The following CLNS1A variants were observed in gnomAD, a reference collection of about 807,000 sequenced individuals.
CLNS1A encodes chloride nucleotide-sensitive channel 1A.
CLNS1A carries 16 observed loss-of-function variants against 29.4 expected under a neutral mutation model. The ratio of observed to expected loss-of-function variants is 0.54; its 90% CI spans 0.37 to 0.83. The LOEUF (loss-of-function observed/expected upper bound fraction) is 0.83. CLNS1A is among the 40% of genes least tolerant of loss of function. The pLI is 0.00. For synonymous variants in CLNS1A, 96 were observed against 104.8 expected (o/e 0.92, Z 0.51); for missense variants, 235 against 287.4 (o/e 0.82, Z 1.32).
intron 2 of CLNS1A, 133 bp from the exon 3 acceptor site, chr11:77,625,951 A>C: frequency 1.2e-6 from 1 of 858,712 alleles, no homozygotes; most frequent in Non-Finnish European, 1.8e-6. Flanking sequence ...TATGGTTGAA[A>C]AATTCTGATT....
intron 3 of CLNS1A, chr11:77,625,346 G>A (rs1959005763): frequency 4.2e-6 from 2 of 481,136 alleles, no homozygotes; most frequent in Non-Finnish European, 7.3e-6. Flanking sequence ...GAAGGGTGAA[G>A]ACTGCTCTCA....
At chr11:77,634,576 T>A (rs1203222309) in intron 1 of CLNS1A, among the ~76,000 whole-genome samples, 1 of 151,916 alleles carries the variant, frequency 6.6e-6, no homozygotes, top group East Asian at 1.9e-4. Flanking sequence ...ATACAAAAAT[T>A]AGCTGGGCGT....
Position 77,622,343 on chromosome 11 carries a change from T to C in CLNS1A, c.646+157A>G, listed in dbSNP as rs1958967014. The C allele has an allele frequency of 7.8e-6, 5 of 638,386 alleles. No homozygotes were observed. In the East Asian group the frequency reaches 1.4e-4, roughly 18 times the overall value. 39.5% of individuals were successfully genotyped at this position (638,386 alleles called of 1,614,324 possible). On this transcript the variant is annotated intron_variant, in intron 5 of 6. Transcript: ENST00000525428. ...AGGAAAAAAAATCACTAAAAACAAATGACATAAGCATTCCTATACTATGTA... is the reference window on the plus strand; with the variant it reads ...AGGAAAAAAAATCACTAAAAACAAACGACATAAGCATTCCTATACTATGTA...
At chr11:77,627,531 A>T (rs1428121259) in intron 2 of CLNS1A, among the ~76,000 whole-genome samples, 1 of 152,192 alleles carries the variant, frequency 6.6e-6, no homozygotes, top group East Asian at 1.9e-4. Context: ...GAAATCCTGC[A>T]TATCTTACTA....
At chr11:77,619,356 C>T (rs1264429428) in intron 6 of CLNS1A, 1 of 393,780 alleles carries the variant, frequency 2.5e-6, no homozygotes, top group Non-Finnish European at 4.7e-6. Flanking sequence ...ACATGTGAGA[C>T]CTTGTCTCTA....
At chr11:77,622,429 C>T (rs1033089532) in intron 5 of CLNS1A, 71 bp downstream of exon 5, 2 of 1,150,280 alleles carry the variant, frequency 1.7e-6, no homozygotes, top group Admixed American at 2.5e-5. Context: ...ATTAAAAGAA[C>T]TTCTATTGAC....
At chr11:77,626,004 C>T (rs1959014532) in intron 2 of CLNS1A, among the ~76,000 whole-genome samples, 186 bp from the exon 3 acceptor site, 1 of 152,140 alleles carries the variant, frequency 6.6e-6, no homozygotes, top group Non-Finnish European at 1.5e-5. Flanking sequence ...GATCTCCTGA[C>T]CTCGAGATCC....
At chr11:77,637,102 C>G (rs1360648842) in intron 1 of CLNS1A, among the ~76,000 whole-genome samples, 1 of 151,612 alleles carries the variant, frequency 6.6e-6, no homozygotes, top group Non-Finnish European at 1.5e-5. Flanking sequence ...CCTCCACAGT[C>G]GGCTCTGAAA....
intron 2 of CLNS1A, 143 bp downstream of exon 2, chr11:77,629,620 T>G (rs1235138991): frequency 6.1e-6 from 4 of 656,532 alleles, no homozygotes; most frequent in Non-Finnish European, 1.0e-5. Context: ...GGTCTCGATC[T>G]CCTGACCTTG....
rs779464286 is a variant in CLNS1A at position 77,624,981 on chromosome 11, ATTC to A, written c.451_453del (p.Glu151del). On this transcript the variant is annotated inframe_deletion, in exon 4 of 7. Transcript: ENST00000525428. ...CACTAACCATGTGCTTCCACATCAT[ATTC>A]TTCTCCATCGTAGTCATCTGAATCC... The A allele has an allele frequency of 3.1e-6, 5 of 1,611,604 alleles. No homozygotes were observed. The highest frequency in any genetic ancestry group is 4.2e-6 in the Non-Finnish European group (5 of 1,178,494).
chr11:77,617,020 T>G (rs1958911005), intron 6 of CLNS1A, among the ~76,000 whole-genome samples: 1 of 152,228 alleles, frequency 6.6e-6, no homozygotes, highest in African/African-American at 2.4e-5. Context: ...TAAACTACTC[T>G]TAATTATTTA....
chr11:77,637,477 C>T, intron 1 of CLNS1A, 113 bp downstream of exon 1: 1 of 1,387,884 alleles, frequency 7.2e-7, no homozygotes, highest in South Asian at 1.5e-5. Flanking sequence ...GGCACGAGAC[C>T]CCGCTCCCAG....
chr11:77,632,779 T>C (rs546315156), intron 1 of CLNS1A, among the ~76,000 whole-genome samples: 53 of 152,220 alleles, frequency 3.5e-4, no homozygotes, highest in Non-Finnish European at 6.0e-4. Context: ...CATGTTACTA[T>C]GTTAAAAAAG....
At chr11:77,625,564 ATGAT>A (rs1370789029) in intron 3 of CLNS1A, 149 bp downstream of exon 3, 3 of 623,318 alleles carry the variant, frequency 4.8e-6, no homozygotes, top group Non-Finnish European at 8.0e-6. Flanking sequence ...TTGGTCCTTA[ATGAT>A]ATTACCAATG....
At chr11:77,623,319 G>C (rs1393889995) in intron 4 of CLNS1A, among the ~76,000 whole-genome samples, 1 of 152,184 alleles carries the variant, frequency 6.6e-6, no homozygotes, top group Non-Finnish European at 1.5e-5. Flanking sequence ...GCCAGGTGCA[G>C]TGGCTGACGT....
intron 4 of CLNS1A, among the ~76,000 whole-genome samples, chr11:77,623,088 C>A (rs1010596181): frequency 6.6e-6 from 1 of 151,952 alleles, no homozygotes; most frequent in Non-Finnish European, 1.5e-5. Context: ...TGTACCTACT[C>A]TCTAGGGTTA....
intron 6 of CLNS1A, among the ~76,000 whole-genome samples, chr11:77,619,212 AAAG>A (rs1333631318): frequency 6.6e-6 from 1 of 152,216 alleles, no homozygotes; most frequent in African/African-American, 2.4e-5. Flanking sequence ...CTGAGGTTTA[AAAG>A]AAGAAAAATT....
chr11:77,630,004 A>G, intron 1 of CLNS1A, 105 bp from the exon 2 acceptor site: 1 of 922,526 alleles, frequency 1.1e-6, no homozygotes, highest in South Asian at 2.4e-5. Flanking sequence ...ATATAAATAA[A>G]TTCAAGTTTA....
At chr11:77,633,734 T>A (rs1959096393) in intron 1 of CLNS1A, among the ~76,000 whole-genome samples, 1 of 152,188 alleles carries the variant, frequency 6.6e-6, no homozygotes, top group African/African-American at 2.4e-5. Flanking sequence ...TTAATTTGAT[T>A]ACCTATTTTA....
Sources: gnomAD v4.1 joint callset for allele counts (sites outside exome capture counted in the v4.1 genomes callset) on GRCh38, gnomAD v4.1.1 for gene constraint, MANE v1.5 for transcripts, NCBI Gene and HGNC (gene_info 2026-07-23, HGNC 2026-07-21) for gene names.